The following PPP4R3A variants were observed in gnomAD, a reference collection of about 807,000 sequenced individuals.
PPP4R3A encodes protein phosphatase 4 regulatory subunit 3A, also known as serine/threonine-protein phosphatase 4 regulatory subunit 3A.
Under a neutral mutation model 91.7 loss-of-function variants are expected in PPP4R3A, and 15 were observed. The observed-to-expected ratio is 0.16, with a 90% CI of 0.11 to 0.25. The LOEUF (loss-of-function observed/expected upper bound fraction) is 0.25. PPP4R3A is among the 10% of genes least tolerant of loss of function. The pLI is 1.00. For synonymous variants in PPP4R3A, 377 were observed against 348.7 expected, an observed-to-expected ratio of 1.08 and a Z score of -0.91; for missense variants, 623 against 998.4, an observed-to-expected ratio of 0.62 and a Z score of 5.07.
intron 1 of PPP4R3A, among the ~76,000 whole-genome samples, chr14:91,506,645 G>A (rs938867889): frequency 2.6e-5 from 4 of 152,116 alleles, no homozygotes; most frequent in African/African-American, 9.6e-5. Flanking sequence ...CCACCTCCTA[G>A]GCTCAAGTGA....
chr14:91,496,502 A>G (rs1162895071), intron 1 of PPP4R3A, among the ~76,000 whole-genome samples: 1 of 152,016 alleles, frequency 6.6e-6, no homozygotes, highest in Admixed American at 6.6e-5. Context: ...TCTCTTTTAC[A>G]TTTTCTTCAA....
At chr14:91,474,244 A>G (rs992926053) in intron 7 of PPP4R3A, among the ~76,000 whole-genome samples, 16 of 152,224 alleles carry the variant, frequency 1.1e-4, no homozygotes, top group African/African-American at 3.9e-4. Flanking sequence ...CAAATGGATT[A>G]TACACATTCT....
At chr14:91,478,290 C>T (rs996668523) in intron 4 of PPP4R3A, among the ~76,000 whole-genome samples, 3 of 152,218 alleles carry the variant, frequency 2.0e-5, no homozygotes, top group African/African-American at 7.2e-5. Flanking sequence ...AAGACATTCT[C>T]TGAACTGCTG....
intron 10 of PPP4R3A, among the ~76,000 whole-genome samples, chr14:91,469,283 C>G (rs893769262): frequency 6.6e-6 from 1 of 152,106 alleles, no homozygotes; most frequent in Non-Finnish European, 1.5e-5. Flanking sequence ...TTTTTTGAAT[C>G]AATGAAATAT....
intron 10 of PPP4R3A, among the ~76,000 whole-genome samples, chr14:91,469,914 A>C (rs879793919): frequency 6.8e-5 from 10 of 146,914 alleles, no homozygotes; most frequent in Non-Finnish European, 1.2e-4. Flanking sequence ...AATTATTTTA[A>C]TAATATGTAA....
chr14:91,488,410 C>T (rs1353314729), intron 2 of PPP4R3A, among the ~76,000 whole-genome samples: 1 of 152,096 alleles, frequency 6.6e-6, no homozygotes, highest in Non-Finnish European at 1.5e-5. Flanking sequence ...CCTCAAACTC[C>T]ACTTTTTATA....
At chr14:91,484,421 A>G (rs143839713) in intron 3 of PPP4R3A, among the ~76,000 whole-genome samples, 1 of 152,342 alleles carries the variant, frequency 6.6e-6, no homozygotes, top group African/African-American at 2.4e-5. Flanking sequence ...TTTTGTAAAT[A>G]AAAGTTTTAC....
rs1467460702 is a variant in PPP4R3A at position 91,458,167 on chromosome 14, AG to A, written c.*591del. The A allele has an allele frequency of 6.5e-6, 1 of 153,462 alleles. No homozygotes were observed. Among genetic ancestry groups the A allele is most frequent in the African/African-American group, 2.4e-5 (1 of 41,430 alleles). The allele number at this position is 153,462 out of a possible 1,614,324, so 9.5% of individuals were successfully genotyped here. ...AATTCCACTCAATCTTTAATCAAGT[AG>A]GGAGAAGTCCCCACTTAAAAAAAAA... On this transcript the variant is annotated 3_prime_UTR_variant, in exon 15 of 15. Coordinates refer to ENST00000554943, the MANE Select transcript of PPP4R3A (RefSeq NM_001366432.2).
At chr14:91,471,135 T>A in intron 9 of PPP4R3A, 140 bp from the exon 10 acceptor site, 1 of 730,276 alleles carries the variant, frequency 1.4e-6, no homozygotes, top group Non-Finnish European at 2.1e-6. Context: ...AAATTAGCAT[T>A]TACTGAACGC....
At chr14:91,464,923 T>TA (rs1298921155) in intron 11 of PPP4R3A, among the ~76,000 whole-genome samples, 2 of 152,182 alleles carry the variant, frequency 1.3e-5, no homozygotes, top group African/African-American at 4.8e-5. Flanking sequence ...TAGGAGAATA[T>TA]AATGCTGCTG....
chr14:91,468,197 G>C (rs1368823474), intron 10 of PPP4R3A, among the ~76,000 whole-genome samples: 1 of 152,088 alleles, frequency 6.6e-6, no homozygotes, highest in Non-Finnish European at 1.5e-5. Flanking sequence ...ACATAACTAA[G>C]ATTTTGCTAA....
At position 91,509,863 on chromosome 14, in the gene PPP4R3A, G is replaced by A. The variant is rs1362768636; in HGVS notation, c.-216C>T. On this transcript the variant is annotated 5_prime_UTR_variant, in exon 1 of 15. Transcript: ENST00000554943. ...GCCTTTCCTCGCCTCCGGCTCCCCG[G>A]CGCTATTGTCCAGGCCTGGCGAGCC... The A allele has an allele frequency of 3.1e-5, 35 of 1,142,590 alleles. No individual in the cohort carries two copies. The highest frequency in any genetic ancestry group is 5.0e-5 in the Admixed American group (1 of 20,188). The allele number at this position is 1,142,590 out of a possible 1,614,324, so 70.8% of individuals were successfully genotyped here. A position where few individuals can be genotyped will look rare whatever the true frequency, so the allele number is the denominator to read the frequency against.
chr14:91,490,658 TA>T, intron 2 of PPP4R3A, 88 bp downstream of exon 2: 10 of 1,052,920 alleles, frequency 9.5e-6, no homozygotes, highest in Non-Finnish European at 1.1e-5. Flanking sequence ...TAATCTCTTC[TA>T]AATTTTTCAC....
intron 1 of PPP4R3A, among the ~76,000 whole-genome samples, chr14:91,507,541 TATTA>T (rs1212802396): frequency 2.7e-5 from 3 of 111,694 alleles, no homozygotes; most frequent in African/African-American, 1.1e-4. Context: ...ATATACTATA[TATTA>T]TATATAGTTA....
intron 4 of PPP4R3A, among the ~76,000 whole-genome samples, chr14:91,479,334 G>C (rs11626297): frequency 1.3e-5 from 2 of 149,816 alleles, no homozygotes; most frequent in Non-Finnish European, 3.0e-5. Context: ...GTGTGTATGG[G>C]TGCAAATAAC....
intron 11 of PPP4R3A, among the ~76,000 whole-genome samples, chr14:91,464,680 T>C (rs1463037639): frequency 1.3e-5 from 2 of 152,218 alleles, no homozygotes. Flanking sequence ...AAGAGTATTA[T>C]GAAATTGGTC....
intron 1 of PPP4R3A, among the ~76,000 whole-genome samples, chr14:91,493,773 CTTTT>C (rs71120151): frequency 2.5e-5 from 3 of 119,836 alleles, no homozygotes. Flanking sequence ...ATCAATATTA[CTTTT>C]TTTTTTTTTT....
intron 3 of PPP4R3A, among the ~76,000 whole-genome samples, chr14:91,484,912 T>A (rs1205704963): frequency 6.6e-6 from 1 of 152,080 alleles, no homozygotes; most frequent in Non-Finnish European, 1.5e-5. Context: ...CACAAAAGAT[T>A]GTGATTATGT....
chr14:91,464,974 T>C (rs938843421), intron 11 of PPP4R3A, among the ~76,000 whole-genome samples: 1 of 152,224 alleles, frequency 6.6e-6, no homozygotes, highest in African/African-American at 2.4e-5. Flanking sequence ...TAATAATGCC[T>C]GCTTGCCAGC....
Sources: allele counts gnomAD v4.1 joint callset (sites outside exome capture counted in the v4.1 genomes callset), GRCh38; gene constraint gnomAD v4.1.1; transcripts MANE v1.5; gene names NCBI Gene and HGNC (gene_info 2026-07-23, HGNC 2026-07-21).